ODF2L: variants seen among roughly 807,000 people sequenced by gnomAD.
ODF2L encodes outer dense fiber of sperm tails 2 like, also known as protein BCAP.
ODF2L carries 76 observed loss-of-function variants against 86.3 expected under a neutral mutation model. The ratio of observed to expected loss-of-function variants is 0.88; its 90% CI spans 0.73 to 1.07. The LOEUF is 1.07. Ranked by LOEUF, ODF2L falls within the 50% of genes least tolerant of loss-of-function variation. ODF2L has a pLI of 0.00. For synonymous variants in ODF2L, 241 were observed against 231.3 expected (o/e 1.04, Z -0.38); for missense variants, 748 against 717.4 (o/e 1.04, Z -0.49).
At chr1:86,348,774 A>G, downstream of ODF2L, 2 of 1,521,222 alleles carry the variant, frequency 1.3e-6, no homozygotes, top group Non-Finnish European at 1.8e-6. Context: ...TTACATAAGA[A>G]GTTTTAAGAA....
At position 86,364,969 on chromosome 1, in the gene ODF2L, G is replaced by A. The variant is rs374682356; in HGVS notation, c.1143+3667C>T. On this transcript the variant is annotated intron_variant, in intron 11 of 17. Coordinates refer to ENST00000317336, the Ensembl canonical transcript of ODF2L. ...AAGAAACTTCCCTAGTGCTGCTAGT[G>A]TATTTTGTTTTCTGGAATTTTCCAA... 1.3e-3 allele frequency among the ~76,000 whole-genome samples: 193 copies of A among 152,300 alleles called. 5 individuals are homozygous for A. In the South Asian group the frequency reaches 0.037, roughly 30 times the overall value.
intron 14 of ODF2L, chr1:86,355,184 T>G: frequency 1.7e-6 from 1 of 594,018 alleles, no homozygotes; most frequent in Non-Finnish European, 3.0e-6. Flanking sequence ...TTTTAAGCAG[T>G]ATTAATCTCC....
chr1:86,384,867 T>C (rs1660832490), intron 3 of ODF2L, 66 bp from the exon 4 acceptor site: 6 of 1,231,342 alleles, frequency 4.9e-6, no homozygotes, highest in Middle Eastern at 3.0e-4. Flanking sequence ...CTCTAAAATA[T>C]ATTATCAAAC....
At chr1:86,360,327 C>A in intron 12 of ODF2L, 99 bp downstream of exon 11, 1 of 584,606 alleles carries the variant, frequency 1.7e-6, no homozygotes, top group Non-Finnish European at 3.0e-6. Flanking sequence ...ACAATGATAG[C>A]CCCACCTCTC....
At position 86,382,594 on chromosome 1, in the gene ODF2L, T is replaced by C. The variant is rs988811311; in HGVS notation, c.508-236A>G. The stretch of plus-strand genomic sequence containing the variant: ...CTTTCTTTTTTAAAATTCCCATCTA[T>C]CTTTCTAAATAAAGGTATGGGTATA... On this transcript the variant is annotated intron_variant, in intron 6 of 17. Transcript: ENST00000317336. Among the ~76,000 whole-genome samples, 8 of 151,996 alleles carry C rather than the reference T, an allele frequency of 5.3e-5. No homozygotes were observed. In the East Asian group the frequency reaches 1.5e-3, roughly 29 times the overall value.
intron 7 of ODF2L, among the ~76,000 whole-genome samples, chr1:86,376,638 G>A (rs1319562730): frequency 2.6e-5 from 4 of 152,082 alleles, no homozygotes; most frequent in Non-Finnish European, 5.9e-5. Context: ...AATCATTGTA[G>A]AAGGCAGAGG....
intron 8 of ODF2L, among the ~76,000 whole-genome samples, chr1:86,375,572 T>C (rs1187909929): frequency 6.6e-6 from 1 of 152,156 alleles, no homozygotes; most frequent in Non-Finnish European, 1.5e-5. Flanking sequence ...ATTGAATAAA[T>C]ATAATAATTT....
At chr1:86,355,045 T>C in intron 14 of ODF2L, 186 bp from the exon 14 acceptor site, 1 of 555,266 alleles carries the variant, frequency 1.8e-6, no homozygotes, top group Non-Finnish European at 3.2e-6. Context: ...TGGTTAAATT[T>C]AAAGAAGTTA....
intron 7 of ODF2L, among the ~76,000 whole-genome samples, chr1:86,379,567 T>A (rs1660421477): frequency 6.6e-6 from 1 of 152,172 alleles, no homozygotes; most frequent in African/African-American, 2.4e-5. Context: ...GCTCCCCAAA[T>A]ATATTAGGAC....
At chr1:86,392,483 A>T (rs1206563129) in intron 1 of ODF2L, among the ~76,000 whole-genome samples, 1 of 152,218 alleles carries the variant, frequency 6.6e-6, no homozygotes, top group Non-Finnish European at 1.5e-5. Flanking sequence ...ACTCAGCCAT[A>T]AAAAGGAATA....
intron 10 of ODF2L, chr1:86,368,756 A>C: frequency 7.5e-7 from 1 of 1,342,162 alleles, no homozygotes; most frequent in South Asian, 2.1e-5. Context: ...TTATGTATGA[A>C]AATGTTCATC....
chr1:86,348,477 T>A (rs1325825793), downstream of ODF2L: 1 of 175,428 alleles, frequency 5.7e-6, no homozygotes, highest in Non-Finnish European at 1.2e-5. Context: ...TCCATGTCTA[T>A]GTGTGAGAAA....
At chr1:86,369,386 C>T (rs1659648926) in intron 10 of ODF2L, among the ~76,000 whole-genome samples, 1 of 152,170 alleles carries the variant, frequency 6.6e-6, no homozygotes, top group African/African-American at 2.4e-5. Flanking sequence ...GAAGACCTTG[C>T]TACTTCCTAT....
intron 7 of ODF2L, among the ~76,000 whole-genome samples, chr1:86,381,433 AAC>A (rs150970713): frequency 2.6e-5 from 4 of 151,228 alleles, no homozygotes; most frequent in African/African-American, 4.8e-5. Flanking sequence ...CCTTTAAAGG[AAC>A]ACACACACAC....
At chr1:86,351,843 T>C (rs1262415653) in exon 18 of ODF2L, 1 of 990,842 alleles carries the variant, frequency 1.0e-6, no homozygotes, top group Admixed American at 5.8e-5. Context: ...TATTTTATTC[T>C]CTTTGTGGCA....
intron 8 of ODF2L, among the ~76,000 whole-genome samples, chr1:86,374,060 T>C (rs1660005061): frequency 6.6e-6 from 1 of 152,194 alleles, no homozygotes. Context: ...ACAATGCCAG[T>C]AATTACAAAT....
Position 86,387,074 on chromosome 1 carries a change from C to A in ODF2L, c.-47G>T, listed in dbSNP as rs1380962754. On this transcript the variant is annotated 5_prime_UTR_variant, in exon 2 of 18. It removes an upstream start codon present in the reference 5' UTR. Transcript: ENST00000317336. ...AGGTGGCTTCACAGCGACTTCTCCA[C>A]ATAAGCTGAAAGCTAGGAAATATTT... The A allele has an allele frequency of 4.7e-6, 4 of 849,378 alleles. No individual in the cohort carries two copies. The highest frequency in any genetic ancestry group is 2.4e-4 in the Middle Eastern group (1 of 4,212). The allele number at this position is 849,378 out of a possible 1,614,324, so 52.6% of individuals were successfully genotyped here. A position where few individuals can be genotyped will look rare whatever the true frequency, so the allele number is the denominator to read the frequency against.
chr1:86,357,615 A>T, intron 13 of ODF2L: 1 of 204,466 alleles, frequency 4.9e-6, no homozygotes, highest in Non-Finnish European at 8.5e-6. Context: ...AAAAAAAAAA[A>T]CAGACTGAAA....
At position 86,352,911 on chromosome 1, in the gene ODF2L, TCA is replaced by T. The variant is rs1388993306; in HGVS notation, c.1839_1840del (p.Glu614AlafsTer2). 7 of 1,553,676 alleles carry T rather than the reference TCA, an allele frequency of 4.5e-6. No homozygotes were observed. Among genetic ancestry groups the T allele is most frequent in the Non-Finnish European group, 5.3e-6 (6 of 1,129,772 alleles). On this transcript the variant is annotated frameshift_variant, in exon 17 of 18. Coordinates refer to ENST00000317336, the Ensembl canonical transcript of ODF2L. LOFTEE classifies it high-confidence loss of function. ...TTGTTCTTCATTTTTCTTTCTAAGC[TCA>T]GTTTCCAGATCTAATATTTTAATTT... is the stretch of plus-strand genomic sequence containing the variant.
Sources: gnomAD v4.1 joint callset for allele counts (sites outside exome capture counted in the v4.1 genomes callset) on GRCh38, gnomAD v4.1.1 for gene constraint, MANE v1.5 for transcripts, NCBI Gene and HGNC (gene_info 2026-07-23, HGNC 2026-07-21) for gene names.